DPP10: variants seen among roughly 807,000 people sequenced by gnomAD.
DPP10 encodes the protein dipeptidyl peptidase like 10.
In DPP10, 33 loss-of-function variants were observed where a neutral mutation model predicts 120.9. The ratio of observed to expected loss-of-function variants is 0.27; its 90% confidence interval spans 0.21 to 0.37. The LOEUF is 0.37. DPP10 is among the 10% of genes least tolerant of loss of function. The probability of loss-of-function intolerance (pLI) is 1.00; values close to 1 mark genes in which losing one functional copy is unlikely to be tolerated. For synonymous variants in DPP10, 337 were observed against 326.1 expected (o/e 1.03, Z -0.36); for missense variants, 816 against 942.8 (o/e 0.87, Z 1.76).
intron 1 of DPP10, among the ~76,000 whole-genome samples, chr2:114,994,065 G>A (rs555090456): frequency 6.6e-5 from 10 of 152,102 alleles, no homozygotes; most frequent in African/African-American, 1.7e-4. Context: ...CAGTGACTTC[G>A]TTTTCAATAA....
At chr2:115,644,688 C>A (rs553994356) in intron 5 of DPP10, among the ~76,000 whole-genome samples, 2 of 151,562 alleles carry the variant, frequency 1.3e-5, no homozygotes, top group African/African-American at 4.8e-5. Context: ...GAGGCTGAGG[C>A]AGGAGGATCC....
At chr2:115,557,092 C>T (rs1230286750) in intron 5 of DPP10, among the ~76,000 whole-genome samples, 1 of 152,080 alleles carries the variant, frequency 6.6e-6, no homozygotes, top group Non-Finnish European at 1.5e-5. Context: ...ATGTATTCCA[C>T]TAAAATAATT....
At chr2:114,754,943 T>A (rs968143406) in intron 1 of DPP10, among the ~76,000 whole-genome samples, 11 of 152,236 alleles carry the variant, frequency 7.2e-5, no homozygotes, top group African/African-American at 2.7e-4. Context: ...TATATTTATA[T>A]AAATGGTTAA....
At chr2:115,407,395 C>G (rs949773072) in intron 3 of DPP10, among the ~76,000 whole-genome samples, 23 of 152,082 alleles carry the variant, frequency 1.5e-4, no homozygotes, top group Non-Finnish European at 1.9e-4. Context: ...ACACGAAGAC[C>G]AATCTTAACT....
At chr2:115,745,697 CA>C (rs1270868046) in intron 9 of DPP10, among the ~76,000 whole-genome samples, 1 of 149,826 alleles carries the variant, frequency 6.7e-6, no homozygotes, top group Non-Finnish European at 1.5e-5. Context: ...TTTAATTAGC[CA>C]AACCTTCTTC....
At chr2:115,162,447 C>T (rs1480356993) in intron 1 of DPP10, among the ~76,000 whole-genome samples, 1 of 152,178 alleles carries the variant, frequency 6.6e-6, no homozygotes, top group African/African-American at 2.4e-5. Flanking sequence ...ATAGCCGGGG[C>T]GCTCGCTGGC....
chr2:115,689,873 G>A lies in DPP10; in HGVS notation c.528G>A (p.Glu176=), dbSNP rs1479913171. The change falls in exon 7 of 26, where the codon GAG becomes GAA. Residue 176 remains glutamate, a synonymous_variant. Transcript: ENST00000410059. ...GGGAGTTAAATCCTCCAGAAGTAGAGGACTCCGTCTTGCAGTACGCGGCCT... is the reference window on the plus strand; with the variant it reads ...GGGAGTTAAATCCTCCAGAAGTAGAAGACTCCGTCTTGCAGTACGCGGCCT... ...EVWELNPPEV[E]DSVLQYAAWG... 6.2e-7 allele frequency: 1 copy of A among 1,613,860 alleles called. No homozygotes were observed. The highest frequency in any genetic ancestry group is 8.5e-7 in the Non-Finnish European group (1 of 1,179,938).
chr2:114,901,691 C>CT (rs1280848111), intron 1 of DPP10, among the ~76,000 whole-genome samples: 1 of 152,168 alleles, frequency 6.6e-6, no homozygotes, highest in Non-Finnish European at 1.5e-5. Flanking sequence ...ACATTCCTGA[C>CT]TAAAGAATTA....
intron 1 of DPP10, among the ~76,000 whole-genome samples, chr2:114,811,933 G>A (rs1035120155): frequency 4.6e-5 from 7 of 152,150 alleles, no homozygotes; most frequent in African/African-American, 7.2e-5. Flanking sequence ...GAGGCTGTCC[G>A]GAGACCTTGT....
chr2:114,704,615 T>A (rs188743766), intron 1 of DPP10, among the ~76,000 whole-genome samples: 1 of 152,298 alleles, frequency 6.6e-6, no homozygotes, highest in Non-Finnish European at 1.5e-5. Flanking sequence ...TATCCCTCAA[T>A]AATATTATTT....
At chr2:114,745,943 T>C (rs965287488) in intron 1 of DPP10, among the ~76,000 whole-genome samples, 5 of 152,226 alleles carry the variant, frequency 3.3e-5, no homozygotes, top group Non-Finnish European at 4.4e-5. Context: ...TTCAAAGCAA[T>C]TGACTTGTAA....
chr2:114,956,964 G>A (rs1698253877), intron 1 of DPP10, among the ~76,000 whole-genome samples: 5 of 124,658 alleles, frequency 4.0e-5, no homozygotes, highest in Admixed American at 1.8e-4. Context: ...TTACATGTAA[G>A]ACCTAAAACT....
chr2:115,074,827 G>A (rs963769415), intron 1 of DPP10, among the ~76,000 whole-genome samples: 4 of 152,142 alleles, frequency 2.6e-5, no homozygotes, highest in African/African-American at 7.2e-5. Context: ...AAATCAATGG[G>A]ACTTGAAAGA....
chr2:114,865,017 A>G (rs1690114494), intron 1 of DPP10, among the ~76,000 whole-genome samples: 1 of 152,246 alleles, frequency 6.6e-6, no homozygotes, highest in Non-Finnish European at 1.5e-5. Flanking sequence ...TACAAAGAAC[A>G]GTAACTCACC....
chr2:115,368,759 T>TTTTTAAATTTAATTTTAATTGAAATTAA (rs2065227324), intron 3 of DPP10, among the ~76,000 whole-genome samples: 3 of 151,340 alleles, frequency 2.0e-5, no homozygotes, highest in South Asian at 2.1e-4. Flanking sequence ...GTCGGCTCCT[T>TTTTTAAATTTAATTTTAATTGAAATTAA]TTTTAAATTT....
intron 3 of DPP10, among the ~76,000 whole-genome samples, chr2:115,352,860 TCTCTCTCTTTA>T (rs2064126392): frequency 6.6e-6 from 1 of 152,094 alleles, no homozygotes; most frequent in Non-Finnish European, 1.5e-5. Flanking sequence ...ACATCCTACA[TCTCTCTCTTTA>T]CTATGATGCA....
At chr2:114,928,987 T>A (rs1388724097) in intron 1 of DPP10, among the ~76,000 whole-genome samples, 1 of 152,144 alleles carries the variant, frequency 6.6e-6, no homozygotes, top group East Asian at 1.9e-4. Context: ...TCCCTAAGTG[T>A]CAGCTGGTCT....
At chr2:115,406,678 G>T (rs899600437) in intron 3 of DPP10, among the ~76,000 whole-genome samples, 1 of 151,888 alleles carries the variant, frequency 6.6e-6, no homozygotes, top group Non-Finnish European at 1.5e-5. Context: ...TTAAACTAAG[G>T]TATATTACTA....
intron 1 of DPP10, among the ~76,000 whole-genome samples, chr2:115,003,498 G>A (rs2105020421): frequency 6.6e-6 from 1 of 151,804 alleles, no homozygotes; most frequent in East Asian, 1.9e-4. Flanking sequence ...ATTTGCAGAT[G>A]CACCCCTAAA....
Sources: allele counts gnomAD v4.1 joint callset (sites outside exome capture counted in the v4.1 genomes callset), GRCh38; gene constraint gnomAD v4.1.1; transcripts MANE v1.5; gene names NCBI Gene and HGNC (gene_info 2026-07-23, HGNC 2026-07-21).